The following DPYSL2 variants were observed in gnomAD, a reference collection of about 807,000 sequenced individuals.
DPYSL2 encodes dihydropyrimidinase like 2, also known as dihydropyrimidinase-related protein 2.
Under a neutral mutation model 69.9 loss-of-function variants are expected in DPYSL2, and 13 were observed. The ratio of observed to expected loss-of-function variants is 0.19; its 90% confidence interval spans 0.12 to 0.30. The LOEUF is 0.30. Among genes scored for constraint, DPYSL2 ranks in the 10% least tolerant of loss-of-function variants. The pLI is 1.00. For synonymous variants in DPYSL2, 326 were observed against 359.1 expected (o/e 0.91, Z 1.04); for missense variants, 587 against 918.9 (o/e 0.64, Z 4.67).
In DPYSL2 at chr8:26,588,204, C is replaced by A. The variant is rs779423375; in HGVS notation, c.628+4221C>A. 6.6e-6 allele frequency among the ~76,000 whole-genome samples: 1 copy of A among 152,204 alleles called. No individual in the cohort carries two copies. Among genetic ancestry groups the A allele is most frequent in the African/African-American group, 2.4e-5 (1 of 41,458 alleles). ...TGAGCTCTACTCTCCCCCGCATGGCCGGAGAAACAGGCTGAGCTGCCGTAG... is the reference window on the plus strand; with the variant it reads ...TGAGCTCTACTCTCCCCCGCATGGCAGGAGAAACAGGCTGAGCTGCCGTAG... On this transcript the variant is annotated intron_variant, in intron 3 of 13. Transcript: ENST00000521913. The surrounding 1 kb of genome is among the most constrained non-coding windows in gnomAD (Gnocchi z 5.4).
rs1803382242 is a variant in DPYSL2 at position 26,656,068 on chromosome 8, G to A, written c.*362G>A. ...GTTAGCATCTTCCTTTTCATGGGGG[G>A]AGGGAAGATAAAGTGAATTGCCCAG... On this transcript the variant is annotated 3_prime_UTR_variant, in exon 14 of 14. Transcript: ENST00000521913. 1 of 203,458 alleles carries A rather than the reference G, an allele frequency of 4.9e-6. No homozygotes were observed. The allele number at this position is 203,458 out of a possible 1,614,324, so 12.6% of individuals were successfully genotyped here. A position where few individuals can be genotyped will look rare whatever the true frequency, so the allele number is the denominator to read the frequency against.
In DPYSL2 at chr8:26,582,167, C is replaced by A; in HGVS notation, c.443+110C>A. ...AAACTTCAGGAACATCAGAGAGTGA[C>A]CAACTTAGTATCTGTTTTAAACTGG... On this transcript the variant is annotated intron_variant, in intron 2 of 13. Coordinates refer to ENST00000521913, the MANE Select transcript of DPYSL2 (RefSeq NM_001197293.3). This position sits in a 1 kb window ranked among gnomAD's most constrained non-coding sequence, Gnocchi z 4.1. The A allele has an allele frequency of 1.2e-6, 1 of 808,716 alleles. No individual in the cohort carries two copies. Among genetic ancestry groups the A allele is most frequent in the Non-Finnish European group, 2.0e-6 (1 of 500,832 alleles). The allele number at this position is 808,716 out of a possible 1,614,324, so 50.1% of individuals were successfully genotyped here.
chr8:26,576,974 C>G (rs1036834339), intron 1 of DPYSL2: 7 of 296,158 alleles, frequency 2.4e-5, no homozygotes, highest in Non-Finnish European at 4.7e-5. Context: ...AGCGGGCGCA[C>G]AGAGCGCAGA....
chr8:26,523,373 G>A (rs1028494633), intron 1 of DPYSL2, among the ~76,000 whole-genome samples: 1 of 152,152 alleles, frequency 6.6e-6, no homozygotes, highest in South Asian at 2.1e-4. Context: ...GTACAGTTCA[G>A]TGACGTTAAG....
intron 1 of DPYSL2, among the ~76,000 whole-genome samples, chr8:26,523,575 C>G (rs1054916311): frequency 6.6e-6 from 1 of 152,116 alleles, no homozygotes; most frequent in Non-Finnish European, 1.5e-5. Flanking sequence ...GAGTATGTGT[C>G]TTTTTTTAAC....
rs751700035 is a variant in DPYSL2, at chr8:26,650,050, T to G, written c.1597-2207T>G. ...TGGATGCTGCAGGGCTGGCAAGTGT[T>G]AGCAAAGTGCAATAAAGAGCCAGAC... On this transcript the variant is annotated intron_variant, in intron 11 of 13. Coordinates refer to ENST00000521913, the MANE Select transcript of DPYSL2 (RefSeq NM_001197293.3). The surrounding 1 kb of genome is among the most constrained non-coding windows in gnomAD (Gnocchi z 5.3). 3.3e-5 allele frequency among the ~76,000 whole-genome samples: 5 copies of G among 152,222 alleles called. No homozygotes were observed. Among genetic ancestry groups the G allele is most frequent in the Non-Finnish European group, 7.3e-5 (5 of 68,042 alleles).
chr8:26,537,642 A>AT (rs1348616913), intron 1 of DPYSL2, among the ~76,000 whole-genome samples: 2 of 151,366 alleles, frequency 1.3e-5, no homozygotes, highest in African/African-American at 4.9e-5. Context: ...ACAACTGTAT[A>AT]TTTTTTCTCA....
At chr8:26,613,442 C>T (rs1236790071) in intron 3 of DPYSL2, among the ~76,000 whole-genome samples, 1 of 152,210 alleles carries the variant, frequency 6.6e-6, no homozygotes. Flanking sequence ...GGTGCCCACT[C>T]TAGGCTTCAG....
chr8:26,549,720 G>A (rs1585502633), intron 1 of DPYSL2, among the ~76,000 whole-genome samples: 1 of 152,170 alleles, frequency 6.6e-6, no homozygotes, highest in Non-Finnish European at 1.5e-5. Context: ...TGTTATACCG[G>A]ATTTCTCTTG....
rs945814351 is a variant in DPYSL2, at chr8:26,656,121, A to G, written c.*415A>G. 3 of 157,698 alleles carry G rather than the reference A, an allele frequency of 1.9e-5. No individual in the cohort carries two copies. The highest frequency in any genetic ancestry group is 7.3e-5 in the African/African-American group (3 of 41,216). The allele number at this position is 157,698 out of a possible 1,614,324, so 9.8% of individuals were successfully genotyped here. A position where few individuals can be genotyped will look rare whatever the true frequency, so the allele number is the denominator to read the frequency against. ...CTGCCTTTTTCTTTTCTTTTTAAAA[A>G]TTTTAAGAAGTTTTCTTTGTGGGGC... On this transcript the variant is annotated 3_prime_UTR_variant, in exon 14 of 14. Transcript: ENST00000521913.
chr8:26,589,250 C>G (rs1461031553), intron 3 of DPYSL2, among the ~76,000 whole-genome samples: 1 of 152,226 alleles, frequency 6.6e-6, no homozygotes, highest in Non-Finnish European at 1.5e-5. Context: ...GGGTGCTTCC[C>G]ATTCACTGAT....
chr8:26,532,320 G>A (rs777043573), intron 1 of DPYSL2, among the ~76,000 whole-genome samples: 3 of 152,162 alleles, frequency 2.0e-5, no homozygotes, highest in African/African-American at 7.2e-5. Flanking sequence ...AAGGGCAAGT[G>A]GTAGCAGGGT....
intron 1 of DPYSL2, among the ~76,000 whole-genome samples, chr8:26,566,464 G>T (rs892640405): frequency 2.0e-5 from 3 of 152,206 alleles, no homozygotes; most frequent in Middle Eastern, 3.2e-3. Context: ...GGACTATAGG[G>T]CTTTGTGGCA....
intron 8 of DPYSL2, among the ~76,000 whole-genome samples, chr8:26,636,903 A>C (rs1392250358): frequency 6.6e-6 from 1 of 151,694 alleles, no homozygotes; most frequent in Non-Finnish European, 1.5e-5. Flanking sequence ...CATCACACCC[A>C]TCTAATTTTT....
At chr8:26,649,286 GC>G (rs1435109275) in intron 11 of DPYSL2, among the ~76,000 whole-genome samples, 3 of 152,210 alleles carry the variant, frequency 2.0e-5, no homozygotes, top group Non-Finnish European at 4.4e-5. Context: ...TCTTGGTCAG[GC>G]TTAGACGGGG....
intron 3 of DPYSL2, among the ~76,000 whole-genome samples, chr8:26,590,846 C>T (rs920295975): frequency 9.9e-5 from 15 of 152,266 alleles, no homozygotes; most frequent in Non-Finnish European, 1.6e-4. Context: ...AGCACGCACA[C>T]TTTACCGAAT....
chr8:26,638,457 CG>C (rs1246823659), intron 8 of DPYSL2, among the ~76,000 whole-genome samples: 4 of 152,164 alleles, frequency 2.6e-5, no homozygotes, highest in Non-Finnish European at 4.4e-5. Flanking sequence ...AAGAGAAGTT[CG>C]GGGAAGTGAG....
At chr8:26,630,322 A>G (rs932057468) in intron 7 of DPYSL2, among the ~76,000 whole-genome samples, 3 of 152,130 alleles carry the variant, frequency 2.0e-5, no homozygotes, top group Non-Finnish European at 4.4e-5. Flanking sequence ...GGTTTAAACC[A>G]TGGCAGCATA....
chr8:26,556,306 G>C lies in DPYSL2; in HGVS notation c.355-25663G>C, dbSNP rs867240881. Among the ~76,000 whole-genome samples the C allele has an allele frequency of 2.0e-4, 3 of 14,974 alleles. 1 individual carries two copies. Among genetic ancestry groups the C allele is most frequent in the Non-Finnish European group, 3.6e-4 (3 of 8,336 alleles). The allele number at this position is 14,974 out of a possible 152,430, so 9.8% of individuals were successfully genotyped here. A position where few individuals can be genotyped will look rare whatever the true frequency, so the allele number is the denominator to read the frequency against. ...ATATAATATATATAGTATATATATA[G>C]TATATATATACTATATATATAGTAT... On this transcript the variant is annotated intron_variant, in intron 1 of 13. Transcript: ENST00000521913.
Sources: allele counts gnomAD v4.1 joint callset (sites outside exome capture counted in the v4.1 genomes callset), GRCh38; gene constraint gnomAD v4.1.1; non-coding constraint Gnocchi (gnomAD v3.1); transcripts MANE v1.5; gene names NCBI Gene and HGNC (gene_info 2026-07-23, HGNC 2026-07-21).